Variants in COP1 observed in about 807,000 individuals in gnomAD.
COP1 encodes E3 ubiquitin-protein ligase COP1.
A neutral mutation model predicts 101.3 loss-of-function variants in COP1; 24 were observed. The ratio of observed to expected loss-of-function variants is 0.24; its 90% confidence interval spans 0.17 to 0.33. COP1 has a LOEUF of 0.33. COP1 is among the 10% of genes least tolerant of loss of function. The pLI, the probability that COP1 is intolerant of heterozygous loss-of-function variation, is 1.00. For synonymous variants in COP1, 347 were observed against 341.9 expected (o/e 1.01, Z -0.17); for missense variants, 663 against 906.2 (o/e 0.73, Z 3.45).
intron 15 of COP1, among the ~76,000 whole-genome samples, chr1:175,996,799 A>G (rs1252062521): frequency 3.9e-5 from 6 of 152,196 alleles, no homozygotes; most frequent in Non-Finnish European, 8.8e-5. Context: ...GGAAGAATCA[A>G]TATCCTGAAA....
chr1:176,128,276 G>C (rs1446702050), intron 8 of COP1, among the ~76,000 whole-genome samples: 3 of 151,932 alleles, frequency 2.0e-5, no homozygotes, highest in Admixed American at 6.6e-5. Context: ...TTCAAGAAAG[G>C]TTTTCAGAAC....
intron 18 of COP1, chr1:175,982,322 T>C (rs1467237432): frequency 4.4e-6 from 2 of 455,496 alleles, no homozygotes; most frequent in Non-Finnish European, 8.8e-6. Context: ...AAACATGGTA[T>C]ACAGCTGACC....
chr1:176,184,389 T>G lies in COP1; in HGVS notation c.467+244A>C, dbSNP rs138270969. Among the ~76,000 whole-genome samples, 662 of 152,268 alleles carry G rather than the reference T, an allele frequency of 4.3e-3. 8 individuals are homozygous for G. Among genetic ancestry groups the G allele is most frequent in the African/African-American group, 0.015 (621 of 41,554 alleles). On this transcript the variant is annotated intron_variant, in intron 2 of 19. Transcript: ENST00000367669. ...GTGAAAAGTTCCTATTAACAATTAA[T>G]AAACGCAGAAGTTTTCAAATCCATC...
chr1:176,063,853 T>C (rs538749836), intron 11 of COP1, among the ~76,000 whole-genome samples: 1 of 152,334 alleles, frequency 6.6e-6, no homozygotes, highest in Admixed American at 6.5e-5. Flanking sequence ...AAACCAATGA[T>C]GGATTGTCTA....
At chr1:175,974,922 C>CAAAAAAAAAAAAAAAAAAACCAAAAAA (rs1654143437) in intron 18 of COP1, among the ~76,000 whole-genome samples, 1 of 91,292 alleles carries the variant, frequency 1.1e-5, no homozygotes, top group Non-Finnish European at 2.2e-5. Context: ...GACCCTGTCT[C>CAAAAAAAAAAAAAAAAAAACCAAAAAA]AAAAAAAAAA....
intron 6 of COP1, among the ~76,000 whole-genome samples, chr1:176,143,045 CAA>C (rs1444791576): frequency 6.7e-6 from 1 of 149,966 alleles, no homozygotes; most frequent in Non-Finnish European, 1.5e-5. Flanking sequence ...AGAGGAAAAA[CAA>C]AGTCAAAAGT....
chr1:176,161,581 GAC>G, intron 5 of COP1, among the ~76,000 whole-genome samples: 2 of 151,910 alleles, frequency 1.3e-5, no homozygotes, highest in Non-Finnish European at 2.9e-5. Context: ...CTGGGTGGGT[GAC>G]AGAGGGAGAC....
chr1:176,176,930 T>C (rs1697029371), intron 2 of COP1, among the ~76,000 whole-genome samples: 1 of 152,232 alleles, frequency 6.6e-6, no homozygotes, highest in Admixed American at 6.5e-5. Context: ...AGAAGGCAAG[T>C]TGCAGGAAAA....
At position 176,112,156 on chromosome 1, in the gene COP1, C is replaced by T. The variant is rs577935264; in HGVS notation, c.1026+4468G>A. On this transcript the variant is annotated intron_variant, in intron 9 of 19. Transcript: ENST00000367669. ...ATGAGAAGATATTTACGTACTGTCT[C>T]AGTGCACTATCTCAAACCAAAAGTC... Among the ~76,000 whole-genome samples the T allele has an allele frequency of 6.0e-5, 9 of 150,516 alleles. No individual in the cohort carries two copies. The East Asian group carries it at 1.6e-3, about 26-fold the overall frequency.
intron 9 of COP1, among the ~76,000 whole-genome samples, chr1:176,108,265 T>C (rs1013720125): frequency 2.0e-5 from 3 of 152,116 alleles, no homozygotes; most frequent in Non-Finnish European, 4.4e-5. Context: ...ATTGTTAGCA[T>C]TTTTTTCAAT....
intron 18 of COP1, among the ~76,000 whole-genome samples, chr1:175,977,325 T>C (rs1654817972): frequency 6.6e-6 from 1 of 152,190 alleles, no homozygotes; most frequent in African/African-American, 2.4e-5. Flanking sequence ...AAAGAATATA[T>C]ATTTTCATCC....
chr1:176,039,725 A>G (rs1670189523), intron 14 of COP1, among the ~76,000 whole-genome samples: 1 of 152,186 alleles, frequency 6.6e-6, no homozygotes, highest in Non-Finnish European at 1.5e-5. Flanking sequence ...ATATAAACCA[A>G]CAGAAGAGCA....
intron 14 of COP1, among the ~76,000 whole-genome samples, chr1:176,027,967 CAGAAGGTGAATG>C (rs1667970273): frequency 1.3e-5 from 2 of 150,998 alleles, no homozygotes; most frequent in Non-Finnish European, 2.9e-5. Context: ...ACAACAATGG[CAGAAGGTGAATG>C]AGGAGCAAAG....
intron 9 of COP1, among the ~76,000 whole-genome samples, chr1:176,111,313 G>C (rs534196908): frequency 6.6e-6 from 1 of 152,200 alleles, no homozygotes; most frequent in South Asian, 2.1e-4. Context: ...GTGTGTGTGT[G>C]AGATGGAGTC....
intron 15 of COP1, among the ~76,000 whole-genome samples, chr1:175,994,902 A>T (rs1659713396): frequency 1.3e-5 from 2 of 152,186 alleles, no homozygotes; most frequent in African/African-American, 4.8e-5. Context: ...GACTTAATGG[A>T]CATCTACAGA....
rs150817478 is a variant in COP1, at chr1:176,133,833, C to T, written c.968+1177G>A. On this transcript the variant is annotated intron_variant, in intron 8 of 19. Coordinates refer to ENST00000367669, the MANE Select transcript of COP1 (RefSeq NM_022457.7). Reference sequence around the variant, plus strand: ...TTGTGATGTGACAACTTTTTCTTCCCTGTATGTACTTACATAATAAGTATT... The same window carrying T: ...TTGTGATGTGACAACTTTTTCTTCCTTGTATGTACTTACATAATAAGTATT... The T allele has an allele frequency of 6.2e-4, 283 of 452,960 alleles. 4 individuals are homozygous for T. In the East Asian group the frequency reaches 0.018, roughly 29 times the overall value. 28.1% of individuals were successfully genotyped at this position (452,960 alleles called of 1,614,324 possible).
At chr1:176,030,799 G>A (rs1393500016) in intron 14 of COP1, among the ~76,000 whole-genome samples, 1 of 152,124 alleles carries the variant, frequency 6.6e-6, no homozygotes, top group Non-Finnish European at 1.5e-5. Flanking sequence ...AAAAAGACAT[G>A]TTTCAGTCCT....
At chr1:176,020,660 G>C (rs12133761) in intron 15 of COP1, among the ~76,000 whole-genome samples, 6 of 152,224 alleles carry the variant, frequency 3.9e-5, no homozygotes, top group Non-Finnish European at 8.8e-5. Context: ...CTAGGCATCA[G>C]AGCAAGACTC....
At chr1:176,064,184 A>T (rs1675490208) in intron 11 of COP1, among the ~76,000 whole-genome samples, 2 of 152,220 alleles carry the variant, frequency 1.3e-5, no homozygotes, top group African/African-American at 4.8e-5. Flanking sequence ...TTCTCAATCA[A>T]AATGACCTTC....
Sources: allele counts gnomAD v4.1 joint callset (sites outside exome capture counted in the v4.1 genomes callset), GRCh38; gene constraint gnomAD v4.1.1; transcripts MANE v1.5; gene names NCBI Gene and HGNC (gene_info 2026-07-23, HGNC 2026-07-21).